Variants in SYNE1 observed in about 807,000 individuals in gnomAD.
The protein encoded by SYNE1 is nesprin-1.
Under a neutral mutation model 1,111.0 loss-of-function variants are expected in SYNE1, and 616 were observed. That is an observed-to-expected ratio of 0.55 (90% CI 0.52 to 0.59). SYNE1 has a LOEUF of 0.59. SYNE1 is among the 20% of genes least tolerant of loss of function. The probability of loss-of-function intolerance (pLI) is 0.00; values close to 1 mark genes in which losing one functional copy is unlikely to be tolerated. For missense variants in SYNE1, 10,006 were observed against 10,417.0 expected (o/e 0.96, Z 1.72); for synonymous variants, 3,855 against 3,825.8 (o/e 1.01, Z -0.28).
intron 3 of SYNE1, among the ~76,000 whole-genome samples, chr6:152,569,237 A>G (rs1474431590): frequency 6.6e-6 from 1 of 152,146 alleles, no homozygotes; most frequent in Non-Finnish European, 1.5e-5. Flanking sequence ...TTTTGGGATC[A>G]CTGTATGGAT....
intron 87 of SYNE1, 48 bp downstream of exon 87, chr6:152,316,801 T>A: frequency 6.2e-7 from 1 of 1,610,752 alleles, no homozygotes; most frequent in Non-Finnish European, 8.5e-7. Flanking sequence ...CCCAGTTAAA[T>A]CAAATTGCCC....
intron 59 of SYNE1, among the ~76,000 whole-genome samples, chr6:152,371,845 CAGGAAAGGAAAGGAAAGGAA>C (rs71017534): frequency 0.18 from 10,378 of 58,040 alleles, 1,015 homozygotes; most frequent in Non-Finnish European, 0.24. Flanking sequence ...CAGGACAGGA[CAGGAAAGGAAAGGAAAGGAA>C]AGGAAAGGAA....
intron 14 of SYNE1, chr6:152,481,146 TAGC>T: frequency 4.5e-6 from 1 of 220,022 alleles, no homozygotes; most frequent in Non-Finnish European, 9.2e-6. Context: ...AACTAGTAAA[TAGC>T]AGTTACATTG....
At chr6:152,365,138 C>A (rs1384629824) in intron 62 of SYNE1, 119 bp from the exon 63 acceptor site, 11 of 1,295,800 alleles carry the variant, frequency 8.5e-6, no homozygotes, top group Non-Finnish European at 1.2e-5. Context: ...CCCTGGAGCT[C>A]CCAGTCGGCT....
intron 3 of SYNE1, among the ~76,000 whole-genome samples, chr6:152,577,030 A>T (rs1232273921): frequency 6.6e-6 from 1 of 152,238 alleles, no homozygotes; most frequent in Admixed American, 6.5e-5. Flanking sequence ...TCATATGTTA[A>T]GAAGGCATTT....
chr6:152,238,212 G>A (rs2084676739), intron 108 of SYNE1, among the ~76,000 whole-genome samples: 3 of 152,118 alleles, frequency 2.0e-5, no homozygotes, highest in African/African-American at 7.2e-5. Context: ...AATTTAAATG[G>A]TGTCATCAGG....
At chr6:152,627,483 T>C (rs1263718530) in intron 3 of SYNE1, among the ~76,000 whole-genome samples, 1 of 122,752 alleles carries the variant, frequency 8.1e-6, no homozygotes, top group Non-Finnish European at 1.7e-5. Context: ...TGAAACCATA[T>C]CTCTACTAAA....
intron 25 of SYNE1, chr6:152,453,340 T>C (rs893917300): frequency 3.2e-6 from 2 of 618,406 alleles, no homozygotes; most frequent in African/African-American, 3.7e-5. Flanking sequence ...TAAAAAAAAA[T>C]CAGGAAACCA....
chr6:152,534,681 G>T (rs2099225190), intron 4 of SYNE1, among the ~76,000 whole-genome samples: 1 of 152,056 alleles, frequency 6.6e-6, no homozygotes, highest in African/African-American at 2.4e-5. Context: ...TTATCTTCCT[G>T]TCTGAGCTCA....
At chr6:152,133,605 G>A (rs1018898565) in intron 142 of SYNE1, 117 bp from the exon 143 acceptor site, 9 of 1,010,926 alleles carry the variant, frequency 8.9e-6, no homozygotes, top group Admixed American at 2.0e-5. Context: ...AGCATCAAAC[G>A]TGGAGCTCAC....
intron 145 of SYNE1, chr6:152,125,403 G>C: frequency 6.6e-7 from 1 of 1,514,734 alleles, no homozygotes; most frequent in East Asian, 2.5e-5. Flanking sequence ...TCCGTGTGTG[G>C]ACGTGGGGAC....
intron 46 of SYNE1, 109 bp downstream of exon 46, chr6:152,404,104 G>GAGAT: frequency 1.8e-6 from 1 of 543,358 alleles, no homozygotes; most frequent in East Asian, 4.9e-5. Context: ...AGATATATGA[G>GAGAT]ATATATATAT....
intron 8 of SYNE1, among the ~76,000 whole-genome samples, chr6:152,508,041 G>A (rs1424519022): frequency 1.3e-5 from 2 of 152,042 alleles, no homozygotes; most frequent in African/African-American, 4.8e-5. Context: ...AGAGTCCCAC[G>A]AAATATTATG....
rs771015878 is a variant in SYNE1, at chr6:152,511,549, G to A, written c.310-446C>T. On this transcript the variant is annotated intron_variant, in intron 6 of 145. Coordinates refer to ENST00000367255, the MANE Select transcript of SYNE1 (RefSeq NM_182961.4). Reference sequence around the variant, plus strand: ...TTTACCTATAAAAATCAGGAGTTAAGAATTCTAAAATTTGTACTAACCGGT... The same window carrying A: ...TTTACCTATAAAAATCAGGAGTTAAAAATTCTAAAATTTGTACTAACCGGT... 1.9e-6 allele frequency: 3 copies of A among 1,611,170 alleles called. No homozygotes were observed. In the Admixed American group the frequency reaches 5.0e-5, roughly 27 times the overall value.
intron 115 of SYNE1, among the ~76,000 whole-genome samples, chr6:152,228,882 T>A (rs1005658114): frequency 6.6e-6 from 1 of 151,688 alleles, no homozygotes; most frequent in Non-Finnish European, 1.5e-5. Context: ...GTTCTTCATC[T>A]TCAGTCTTTA....
intron 115 of SYNE1, among the ~76,000 whole-genome samples, chr6:152,230,205 T>C (rs1193773807): frequency 6.6e-6 from 1 of 152,078 alleles, no homozygotes; most frequent in East Asian, 1.9e-4. Flanking sequence ...TGGCTGATTT[T>C]TGTAGCTTTT....
At chr6:152,500,776 C>A (rs1423999426) in intron 10 of SYNE1, among the ~76,000 whole-genome samples, 1 of 151,846 alleles carries the variant, frequency 6.6e-6, no homozygotes, top group Non-Finnish European at 1.5e-5. Flanking sequence ...AGTGAAACCC[C>A]GTCTCCACTA....
intron 4 of SYNE1, among the ~76,000 whole-genome samples, chr6:152,537,147 G>A (rs2099247334): frequency 6.6e-6 from 1 of 152,056 alleles, no homozygotes. Flanking sequence ...TAGGTTCAAT[G>A]TCTAACAATA....
intron 112 of SYNE1, 96 bp from the exon 113 acceptor site, chr6:152,232,361 C>G: frequency 7.4e-7 from 1 of 1,349,894 alleles, no homozygotes; most frequent in East Asian, 2.3e-5. Context: ...TAAAAATGTA[C>G]CAAGAGAGAT....
Sources: gnomAD v4.1 joint callset for allele counts (sites outside exome capture counted in the v4.1 genomes callset) on GRCh38, gnomAD v4.1.1 for gene constraint, MANE v1.5 for transcripts, NCBI Gene and HGNC (gene_info 2026-07-23, HGNC 2026-07-21) for gene names.